CNTN3: variants seen among roughly 807,000 people sequenced by gnomAD.
CNTN3 encodes contactin-3.
A neutral mutation model predicts 119.1 loss-of-function variants in CNTN3; 60 were observed. The ratio of observed to expected loss-of-function variants is 0.50; its 90% CI spans 0.41 to 0.62. CNTN3 has a LOEUF of 0.62. Ranked by LOEUF, CNTN3 falls within the 20% of genes least tolerant of loss-of-function variation. The pLI, the probability that CNTN3 is intolerant of heterozygous loss-of-function variation, is 0.00. For synonymous variants in CNTN3, 450 were observed against 438.7 expected (o/e 1.03, Z -0.32); for missense variants, 1,101 against 1,242.4 (o/e 0.89, Z 1.71).
At chr3:74,454,524 A>T (rs1402776121) in intron 4 of CNTN3, among the ~76,000 whole-genome samples, 2 of 151,850 alleles carry the variant, frequency 1.3e-5, no homozygotes, top group African/African-American at 2.4e-5. Context: ...TAAAGTTAAT[A>T]TTGTTATGTG....
At chr3:74,514,783 G>C (rs6809509) in intron 2 of CNTN3, among the ~76,000 whole-genome samples, 1 of 152,084 alleles carries the variant, frequency 6.6e-6, no homozygotes, top group Non-Finnish European at 1.5e-5. Context: ...CATTGTCTCA[G>C]ACTTAGTATT....
chr3:74,343,625 T>C (rs1703602302), intron 11 of CNTN3, among the ~76,000 whole-genome samples: 1 of 152,242 alleles, frequency 6.6e-6, no homozygotes, highest in African/African-American at 2.4e-5. Context: ...TTGATCTTCC[T>C]TGAGGAATTC....
At chr3:74,436,383 A>C (rs1470356508) in intron 4 of CNTN3, among the ~76,000 whole-genome samples, 1 of 151,834 alleles carries the variant, frequency 6.6e-6, no homozygotes, top group Non-Finnish European at 1.5e-5. Flanking sequence ...CTCACACCAC[A>C]CCTACCCAGT....
At chr3:74,497,549 A>G (rs908219091) in intron 3 of CNTN3, among the ~76,000 whole-genome samples, 1 of 151,922 alleles carries the variant, frequency 6.6e-6, no homozygotes, top group East Asian at 1.9e-4. Flanking sequence ...TAGTGGTCAT[A>G]AACTTTTAGT....
chr3:74,521,952 G>C (rs538536269), intron 1 of CNTN3, among the ~76,000 whole-genome samples: 6 of 151,664 alleles, frequency 4.0e-5, no homozygotes, highest in Non-Finnish European at 2.9e-5. Context: ...GGTACCACAC[G>C]GGGAATTAAT....
chr3:74,418,987 C>T (rs13080280), intron 5 of CNTN3, among the ~76,000 whole-genome samples: 1 of 150,236 alleles, frequency 6.7e-6, no homozygotes, highest in Non-Finnish European at 1.5e-5. Context: ...AGTAGCGGGG[C>T]AGTTTCGCCA....
rs1479122691 is a variant in CNTN3 at position 74,614,386 on chromosome 3, C to A, written c.-81+5G>T. 6.6e-6 allele frequency among the ~76,000 whole-genome samples: 1 copy of A among 151,556 alleles called. No homozygotes were observed. The highest frequency in any genetic ancestry group is 1.5e-5 in the Non-Finnish European group (1 of 67,750). On this transcript the variant is annotated splice_donor_5th_base_variant and intron_variant, in intron 1 of 22. Transcript: ENST00000263665. Reference sequence around the variant, plus strand: ...GGCGCCAGGAGTCGGGCATCCCGGACTTACCTGGTCTCTGCAGCTCGCCAG... The same window carrying A: ...GGCGCCAGGAGTCGGGCATCCCGGAATTACCTGGTCTCTGCAGCTCGCCAG...
chr3:74,540,236 A>G (rs1306086210), intron 1 of CNTN3, among the ~76,000 whole-genome samples: 1 of 152,124 alleles, frequency 6.6e-6, no homozygotes, highest in Non-Finnish European at 1.5e-5. Context: ...TTTCTCTTCA[A>G]TAAAAGTAGT....
chr3:74,580,832 C>A, intron 1 of CNTN3, among the ~76,000 whole-genome samples: 1 of 152,218 alleles, frequency 6.6e-6, no homozygotes, highest in Non-Finnish European at 1.5e-5. Flanking sequence ...GACCCTCCCA[C>A]CTCAGCCTCC....
intron 5 of CNTN3, among the ~76,000 whole-genome samples, chr3:74,387,704 G>A (rs994586169): frequency 3.3e-5 from 5 of 152,166 alleles, no homozygotes; most frequent in Admixed American, 2.6e-4. Context: ...CTTAAGTCGT[G>A]GAAATATCTC....
chr3:74,302,923 C>A, intron 13 of CNTN3, 116 bp from the exon 14 acceptor site: 2 of 623,074 alleles, frequency 3.2e-6, no homozygotes, highest in South Asian at 2.2e-5. Flanking sequence ...AGGGAGCAAA[C>A]CAAGGTGGTA....
chr3:74,550,111 G>A (rs1229503338), intron 1 of CNTN3, among the ~76,000 whole-genome samples: 1 of 152,158 alleles, frequency 6.6e-6, no homozygotes, highest in Non-Finnish European at 1.5e-5. Context: ...TTGGAATGGG[G>A]CATGAGCTGG....
chr3:74,507,839 C>T (rs1393855733), intron 2 of CNTN3, among the ~76,000 whole-genome samples: 1 of 151,784 alleles, frequency 6.6e-6, no homozygotes, highest in Non-Finnish European at 1.5e-5. Flanking sequence ...CCTGTGTTGC[C>T]CAGGCTGGTC....
chr3:74,317,005 T>C (rs1245842266), intron 13 of CNTN3, among the ~76,000 whole-genome samples: 3 of 151,878 alleles, frequency 2.0e-5, no homozygotes, highest in Admixed American at 6.6e-5. Flanking sequence ...ACTTGCTTTA[T>C]GAATCTGGGT....
chr3:74,488,427 T>C (rs1702900166), intron 3 of CNTN3, among the ~76,000 whole-genome samples: 2 of 152,140 alleles, frequency 1.3e-5, no homozygotes, highest in Non-Finnish European at 2.9e-5. Flanking sequence ...ACTTCAACTT[T>C]AAGGTATTTT....
chr3:74,568,310 G>A (rs2106644993), intron 1 of CNTN3, among the ~76,000 whole-genome samples: 1 of 152,336 alleles, frequency 6.6e-6, no homozygotes, highest in Non-Finnish European at 1.5e-5. Flanking sequence ...ATGTATATGT[G>A]TTTGGGGAAA....
At chr3:74,581,840 G>A (rs1253548230) in intron 1 of CNTN3, among the ~76,000 whole-genome samples, 1 of 152,150 alleles carries the variant, frequency 6.6e-6, no homozygotes, top group South Asian at 2.1e-4. Flanking sequence ...AGACACCAAG[G>A]CAGTGCACGG....
intron 4 of CNTN3, among the ~76,000 whole-genome samples, chr3:74,451,337 C>T (rs1358861146): frequency 2.0e-5 from 3 of 152,116 alleles, no homozygotes; most frequent in Non-Finnish European, 2.9e-5. Flanking sequence ...TGTTCATGTC[C>T]ATTGCCCCCT....
intron 11 of CNTN3, among the ~76,000 whole-genome samples, chr3:74,345,588 G>A (rs960071822): frequency 1.1e-4 from 16 of 152,132 alleles, no homozygotes; most frequent in Non-Finnish European, 5.9e-5. Context: ...CTTAAGTTGT[G>A]AGCGGTAAAA....
Sources: gnomAD v4.1 joint callset for allele counts (sites outside exome capture counted in the v4.1 genomes callset) on GRCh38, gnomAD v4.1.1 for gene constraint, MANE v1.5 for transcripts, NCBI Gene and HGNC (gene_info 2026-07-23, HGNC 2026-07-21) for gene names.